CUTA: variants seen among roughly 807,000 people sequenced by gnomAD.
CUTA encodes protein CutA.
A neutral mutation model predicts 20.7 loss-of-function variants in CUTA; 21 were observed. That is an observed-to-expected ratio of 1.01 (90% CI 0.72 to 1.46). CUTA has a LOEUF of 1.46. Among genes scored for constraint, CUTA ranks in the 40% most tolerant of loss-of-function variants. CUTA has a pLI of 0.00. For missense variants in CUTA, 231 were observed against 226.8 expected, an observed-to-expected ratio of 1.02 and a Z score of -0.12; for synonymous variants, 99 against 97.9, an observed-to-expected ratio of 1.01 and a Z score of -0.07.
chr6:33,416,794 G>A lies in CUTA; in HGVS notation c.414-18C>T, dbSNP rs761678788. On this transcript the variant is annotated intron_variant, in intron 5 of 5. Transcript: ENST00000488034. Reference sequence around the variant, plus strand: ...GCACAGAACTACAAAATAGGTGGGTGGGGGAAGGGGATCACTCAAAGATTT... The same window carrying A: ...GCACAGAACTACAAAATAGGTGGGTAGGGGAAGGGGATCACTCAAAGATTT... 5 of 1,612,302 alleles carry A rather than the reference G, an allele frequency of 3.1e-6. No individual in the cohort carries two copies. The highest frequency in any genetic ancestry group is 2.5e-6 in the Non-Finnish European group (3 of 1,178,538).
chr6:33,417,005 G>A, intron 4 of CUTA, 36 bp from the exon 5 acceptor site: 1 of 1,613,418 alleles, frequency 6.2e-7, no homozygotes, highest in Non-Finnish European at 8.5e-7. Context: ...GAATCAAGGA[G>A]TGGGATTGAG....
rs1407447597 is a variant in CUTA at position 33,417,645 on chromosome 6, G to C, written c.93C>G (p.Ala31=). The change falls in exon 2 of 6, where the codon GCC becomes GCG. Residue 31 remains alanine (A), a synonymous_variant. Coordinates refer to ENST00000488034, the MANE Select transcript of CUTA (RefSeq NM_001014840.2). ...FVWMPALLPV[A]SRLLLLPRVL... The stretch of plus-strand genomic sequence containing the variant: ...CTCGGGGTAGCAACAAAAGGCGGGA[G>C]GCCACAGGCAGCAGCGCCGGCATCC... 6.2e-7 allele frequency: 1 copy of C among 1,612,818 alleles called. No homozygotes were observed. Among genetic ancestry groups the C allele is most frequent in the Non-Finnish European group, 8.5e-7 (1 of 1,179,324 alleles).
At position 33,416,729 on chromosome 6, in the gene CUTA, TC is replaced by T; in HGVS notation, c.460del (p.Glu154AsnfsTer35). 1 of 1,614,072 alleles carries T rather than the reference TC, an allele frequency of 6.2e-7. No individual in the cohort carries two copies. Among genetic ancestry groups the T allele is most frequent in the Non-Finnish European group, 8.5e-7 (1 of 1,179,996 alleles). ...CTGCAGGTACGGAAAGTTCCCCTGT[TC>T]CACAGGCAATGCAATTACCTCGGCC... ...EVAEVIALPV[E>X]QGNFPYLQWV... On this transcript the variant is annotated frameshift_variant, in exon 6 of 6. Transcript: ENST00000488034. LOFTEE classifies it high-confidence loss of function.
intron 1 of CUTA, 84 bp from the exon 2 acceptor site, chr6:33,417,779 G>A (rs1776603313): frequency 3.9e-6 from 6 of 1,547,220 alleles, no homozygotes; most frequent in South Asian, 1.2e-5. Flanking sequence ...AGATCCTCAG[G>A]CTCTGCCCTC....
At chr6:33,416,994 T>C in intron 4 of CUTA, 25 bp from the exon 5 acceptor site, 1 of 1,613,776 alleles carries the variant, frequency 6.2e-7, no homozygotes, top group Non-Finnish European at 8.5e-7. Flanking sequence ...TAAACATGGT[T>C]GAATCAAGGA....
chr6:33,417,904 G>C, intron 1 of CUTA, 55 bp downstream of exon 1: 2 of 1,585,350 alleles, frequency 1.3e-6, no homozygotes, highest in Non-Finnish European at 1.7e-6. Context: ...TTAGGGTGCG[G>C]GTAGCGGTCG....
chr6:33,416,866 C>T, intron 5 of CUTA, 54 bp downstream of exon 5: 1 of 1,609,000 alleles, frequency 6.2e-7, no homozygotes, highest in Non-Finnish European at 8.5e-7. Context: ...GACTGCCCAG[C>T]AAGTCACACC....
chr6:33,416,786 A>C lies in CUTA; in HGVS notation c.414-10T>G, dbSNP rs763802524. 3.7e-6 allele frequency: 6 copies of C among 1,613,166 alleles called. No homozygotes were observed. In the Admixed American group the frequency reaches 5.0e-5, roughly 13 times the overall value. On this transcript the variant is annotated splice_polypyrimidine_tract_variant and intron_variant, in intron 5 of 5. Transcript: ENST00000488034. ...GTAAGGGTGCACAGAACTACAAAAT[A>C]GGTGGGTGGGGGAAGGGGATCACTC...
intron 5 of CUTA, 68 bp from the exon 6 acceptor site, chr6:33,416,844 A>T: frequency 6.2e-7 from 1 of 1,605,618 alleles, no homozygotes; most frequent in Non-Finnish European, 8.5e-7. Context: ...ACTCCCTTAC[A>T]CGCAAGCCCT....
Position 33,416,953 on chromosome 6 carries a change from C to G in CUTA, c.380G>C (p.Ser127Thr), listed in dbSNP as rs141684599. ...ATCTGTCAAAGCTGGGACCAAGGAA[C>G]TTTGGGTTTTAATCATCTAAGGGAC... ...SEVLMMIKTQ[S>T]SLVPALTDFV... is the part of the protein sequence containing the mutation. Residue 127 changes from serine to threonine, a missense_variant, in exon 5 of 6, where the codon AGT (serine) becomes ACT (threonine). Coordinates refer to ENST00000488034, the MANE Select transcript of CUTA (RefSeq NM_001014840.2). The G allele has an allele frequency of 3.5e-4, 571 of 1,614,068 alleles. 1 individual carries two copies. In the African/African-American group the frequency reaches 6.6e-3, roughly 19 times the overall value.
Position 33,418,056 on chromosome 6 carries a change from A to C in CUTA, c.-56T>G. On this transcript the variant is annotated 5_prime_UTR_variant, in exon 1 of 6. Transcript: ENST00000488034. The surrounding 1 kb of genome is among the most constrained non-coding windows in gnomAD (Gnocchi z 5.7). ...TCAAAGGCCACACGTCACACGGAGAAACAACCCCAGGAAGAGCGGCCTCTT... is the reference window on the plus strand; with the variant it reads ...TCAAAGGCCACACGTCACACGGAGACACAACCCCAGGAAGAGCGGCCTCTT... The C allele has an allele frequency of 6.2e-7, 1 of 1,614,184 alleles. No individual in the cohort carries two copies. The highest frequency in any genetic ancestry group is 8.5e-7 in the Non-Finnish European group (1 of 1,180,020).
Position 33,416,593 on chromosome 6 carries a change from A to C in CUTA, c.*57T>G, listed in dbSNP as rs1264857705. ...ATTGGGGGCCCAGTCATCACCTGGAAGTCAGAAGGCGTTGAAGTATCGCGG... is the reference window on the plus strand; with the variant it reads ...ATTGGGGGCCCAGTCATCACCTGGACGTCAGAAGGCGTTGAAGTATCGCGG... On this transcript the variant is annotated 3_prime_UTR_variant, in exon 6 of 6. Coordinates refer to ENST00000488034, the MANE Select transcript of CUTA (RefSeq NM_001014840.2). 9.8e-7 allele frequency: 1 copy of C among 1,019,334 alleles called. No individual in the cohort carries two copies. The highest frequency in any genetic ancestry group is 1.3e-5 in the South Asian group (1 of 78,900). 63.1% of individuals were successfully genotyped at this position (1,019,334 alleles called of 1,614,324 possible).
At position 33,417,440 on chromosome 6, in the gene CUTA, C is replaced by A. The variant is rs978326041; in HGVS notation, c.257+41G>T. The A allele has an allele frequency of 2.5e-6, 4 of 1,613,282 alleles. No individual in the cohort carries two copies. The Admixed American group carries it at 5.0e-5, about 20-fold the overall frequency. The stretch of plus-strand genomic sequence containing the variant: ...TCTTCTGCCCCACCCCCAACTGTCC[C>A]TTCATGATCATCCTTTCTCGCTGCA... On this transcript the variant is annotated intron_variant, in intron 2 of 5. Transcript: ENST00000488034.
chr6:33,417,179 G>T, intron 3 of CUTA, 37 bp from the exon 4 acceptor site: 1 of 1,613,162 alleles, frequency 6.2e-7, no homozygotes, highest in Non-Finnish European at 8.5e-7. Context: ...GGGGAGCAAA[G>T]AATTTCCCCC....
In CUTA at chr6:33,416,576, C is replaced by T; in HGVS notation, c.*74G>A. The T allele has an allele frequency of 1.1e-6, 1 of 897,834 alleles. No individual in the cohort carries two copies. Among genetic ancestry groups the T allele is most frequent in the Admixed American group, 1.8e-5 (1 of 55,438 alleles). 55.6% of individuals were successfully genotyped at this position (897,834 alleles called of 1,614,324 possible). The stretch of plus-strand genomic sequence containing the variant: ...ACCCAAAGACGGGATTTATTGGGGG[C>T]CCAGTCATCACCTGGAAGTCAGAAG... On this transcript the variant is annotated 3_prime_UTR_variant, in exon 6 of 6. Transcript: ENST00000488034.
Position 33,417,942 on chromosome 6 carries a change from C to G in CUTA, c.42+17G>C. 1.3e-6 allele frequency: 2 copies of G among 1,578,424 alleles called. No individual in the cohort carries two copies. The highest frequency in any genetic ancestry group is 1.3e-5 in the African/African-American group (1 of 74,464). ...GCTTCGAGGACCGGAAGGGGCGGGGCGGGGCCGGTCACTCACCACTCCGCC... is the reference window on the plus strand; with the variant it reads ...GCTTCGAGGACCGGAAGGGGCGGGGGGGGGCCGGTCACTCACCACTCCGCC... On this transcript the variant is annotated intron_variant, in intron 1 of 5. Transcript: ENST00000488034.
At position 33,418,006 on chromosome 6, in the gene CUTA, C is replaced by T; in HGVS notation, c.-6G>A. ...GGAGCCCGCCCCCCACTCATGCGGCCTACGCTGGTACAGGAGAGTTGATCT... is the reference window on the plus strand; with the variant it reads ...GGAGCCCGCCCCCCACTCATGCGGCTTACGCTGGTACAGGAGAGTTGATCT... On this transcript the variant is annotated 5_prime_UTR_variant, in exon 1 of 6. Coordinates refer to ENST00000488034, the MANE Select transcript of CUTA (RefSeq NM_001014840.2). The surrounding 1 kb of genome is among the most constrained non-coding windows in gnomAD (Gnocchi z 5.7). 2 of 1,613,860 alleles carry T rather than the reference C, an allele frequency of 1.2e-6. No homozygotes were observed. Among genetic ancestry groups the T allele is most frequent in the Non-Finnish European group, 1.7e-6 (2 of 1,179,850 alleles).
rs951443699 is a variant in CUTA at position 33,417,469 on chromosome 6, C to T, written c.257+12G>A. The T allele has an allele frequency of 2.5e-6, 4 of 1,613,978 alleles. No individual in the cohort carries two copies. The highest frequency in any genetic ancestry group is 3.4e-6 in the Non-Finnish European group (4 of 1,179,892). On this transcript the variant is annotated intron_variant, in intron 2 of 5. Transcript: ENST00000488034. ...ATGATCATCCTTTCTCGCTGCACAT[C>T]GAGGTCCCTACCTGGCGATCTCCTT...
At position 33,417,252 on chromosome 6, in the gene CUTA, T is replaced by G; in HGVS notation, c.316A>C (p.Ile106Leu). The G allele has an allele frequency of 6.2e-7, 1 of 1,614,206 alleles. No individual in the cohort carries two copies. Among genetic ancestry groups the G allele is most frequent in the South Asian group, 1.1e-5 (1 of 91,090 alleles). ...CVNLIPQITSIYEWKGKIEED... is the reference protein window; with the variant it reads ...CVNLIPQITSLYEWKGKIEED... ...AACCCCCCAACTCCTATGACTCACA[T>G]GGATGTAATCTGAGGGATGAGGTTG... The change falls in exon 3 of 6, where the codon ATC becomes CTC. Residue 106 changes from isoleucine (I) to leucine (L), a missense_variant and splice_region_variant. By Grantham distance (5) the Ile-to-Leu change is conservative (BLOSUM62 2). Transcript: ENST00000488034.
Sources: allele counts gnomAD v4.1 joint callset, GRCh38; gene constraint gnomAD v4.1.1; non-coding constraint Gnocchi (gnomAD v3.1); transcripts MANE v1.5; gene names NCBI Gene and HGNC (gene_info 2026-07-23, HGNC 2026-07-21).